SLC8A1: variants seen among roughly 807,000 people sequenced by gnomAD.
The protein encoded by SLC8A1 is solute carrier family 8 member A1, also known as sodium/calcium exchanger 1.
Under a neutral mutation model 68.3 loss-of-function variants are expected in SLC8A1, and 18 were observed. The observed-to-expected ratio is 0.26, with a 90% confidence interval of 0.18 to 0.39. The LOEUF (loss-of-function observed/expected upper bound fraction) is 0.39. Among genes scored for constraint, SLC8A1 ranks in the 10% least tolerant of loss-of-function variants. The probability of loss-of-function intolerance (pLI) is 1.00; values close to 1 mark genes in which losing one functional copy is unlikely to be tolerated. For synonymous variants in SLC8A1, 475 were observed against 415.5 expected (o/e 1.14, Z -1.74); for missense variants, 985 against 1,156.7 (o/e 0.85, Z 2.15).
At chr2:40,462,001 C>CTTTTTTTTTTTTTTTTTTTTTTTGT (rs1703374282) in intron 1 of SLC8A1, among the ~76,000 whole-genome samples, 1 of 66,176 alleles carries the variant, frequency 1.5e-5, no homozygotes, top group African/African-American at 6.1e-5. Flanking sequence ...TAAAATCCTC[C>CTTTTTTTTTTTTTTTTTTTTTTTGT]TTTTTTTTTT....
At chr2:40,202,918 C>G (rs1009048840) in intron 2 of SLC8A1, among the ~76,000 whole-genome samples, 3 of 151,918 alleles carry the variant, frequency 2.0e-5, no homozygotes, top group African/African-American at 7.3e-5. Flanking sequence ...AATAGAATGG[C>G]ACCTACATAA....
rs755112990 is a variant in SLC8A1 at position 40,429,705 on chromosome 2, G to T, written c.576C>A (p.Asp192Glu). ...AATGCTTAATCTTCCTTGTCTCTCCGTCAGGCACCACATAAACACAGAGTG... is the reference window on the plus strand; with the variant it reads ...AATGCTTAATCTTCCTTGTCTCTCCTTCAGGCACCACATAAACACAGAGTG... Residue 192 changes from aspartate (D) to glutamate (E), a missense_variant, in exon 2 of 8, where the codon GAC (aspartate) becomes GAA (glutamate). Coordinates refer to ENST00000406785, the Ensembl canonical transcript of SLC8A1. 2.2e-5 allele frequency: 35 copies of T among 1,613,666 alleles called. No homozygotes were observed. In the Middle Eastern group the frequency reaches 1.2e-3, roughly 53 times the overall value.
At chr2:40,176,805 G>A (rs539299638) in intron 3 of SLC8A1, among the ~76,000 whole-genome samples, 1 of 152,176 alleles carries the variant, frequency 6.6e-6, no homozygotes, top group African/African-American at 2.4e-5. Flanking sequence ...TTGTTTGTAT[G>A]CAACTAATAA....
chr2:40,396,672 A>G (rs942972600), intron 2 of SLC8A1, among the ~76,000 whole-genome samples: 1 of 151,282 alleles, frequency 6.6e-6, no homozygotes, highest in Non-Finnish European at 1.5e-5. Context: ...TTTAAAAAGA[A>G]AAAAAGATTA....
intron 1 of SLC8A1, among the ~76,000 whole-genome samples, chr2:40,499,325 T>G (rs1007800141): frequency 6.6e-6 from 1 of 152,078 alleles, no homozygotes; most frequent in African/African-American, 2.4e-5. Context: ...TTTTTCTGTC[T>G]CATTTTCCTC....
At chr2:40,488,257 A>C (rs1705095141) in intron 1 of SLC8A1, among the ~76,000 whole-genome samples, 1 of 151,892 alleles carries the variant, frequency 6.6e-6, no homozygotes, top group Non-Finnish European at 1.5e-5. Context: ...ACAAAAGTAA[A>C]GGATTTTAAT....
intron 2 of SLC8A1, among the ~76,000 whole-genome samples, chr2:40,272,478 C>T (rs1014398878): frequency 1.3e-5 from 2 of 152,148 alleles, no homozygotes; most frequent in Non-Finnish European, 2.9e-5. Context: ...AGAGTAATAA[C>T]AGAAGCTCCT....
intron 2 of SLC8A1, among the ~76,000 whole-genome samples, chr2:40,274,880 A>G (rs2066502836): frequency 6.6e-6 from 1 of 152,206 alleles, no homozygotes; most frequent in Non-Finnish European, 1.5e-5. Flanking sequence ...TGTGTCGTGT[A>G]TCACTCATGT....
chr2:40,264,347 TG>T (rs1436708994), intron 2 of SLC8A1, among the ~76,000 whole-genome samples: 61 of 152,294 alleles, frequency 4.0e-4, no homozygotes, highest in African/African-American at 1.4e-3. Flanking sequence ...ATCCCGTTAC[TG>T]GGTATATACC....
intron 2 of SLC8A1, among the ~76,000 whole-genome samples, chr2:40,392,423 G>GTCTTTCCT (rs1559501055): frequency 6.6e-6 from 1 of 152,006 alleles, no homozygotes; most frequent in Non-Finnish European, 1.5e-5. Flanking sequence ...GAAAGGAAGA[G>GTCTTTCCT]AAATATCTTG....
intron 1 of SLC8A1, among the ~76,000 whole-genome samples, chr2:40,476,576 A>C (rs1704309093): frequency 6.6e-6 from 1 of 152,256 alleles, no homozygotes; most frequent in Admixed American, 6.5e-5. Flanking sequence ...TAATAAAGTA[A>C]GGGAGAGTCC....
At chr2:40,452,912 G>A (rs1702730055), upstream of SLC8A1, among the ~76,000 whole-genome samples, 1 of 151,982 alleles carries the variant, frequency 6.6e-6, no homozygotes. Context: ...AGTAAAAGCC[G>A]AGCATTAAGG....
chr2:40,452,144 G>A (rs1258705306), upstream of SLC8A1: 1 of 12,342 alleles, frequency 8.1e-5, no homozygotes, highest in African/African-American at 3.7e-4. Context: ...GGGAGGCTGG[G>A]AGGGCCGGGG....
intron 2 of SLC8A1, among the ~76,000 whole-genome samples, chr2:40,340,435 C>A (rs1045112201): frequency 6.6e-6 from 1 of 152,144 alleles, no homozygotes; most frequent in African/African-American, 2.4e-5. Context: ...GTGGCAGGCA[C>A]CTGTAATCCC....
intron 2 of SLC8A1, among the ~76,000 whole-genome samples, chr2:40,327,253 T>A (rs1399101889): frequency 6.6e-6 from 1 of 152,240 alleles, no homozygotes; most frequent in Non-Finnish European, 1.5e-5. Flanking sequence ...GTTGCATGAT[T>A]CCATTGAATG....
chr2:40,276,998 C>A (rs2066785706), intron 2 of SLC8A1, among the ~76,000 whole-genome samples: 1 of 151,958 alleles, frequency 6.6e-6, no homozygotes, highest in Non-Finnish European at 1.5e-5. Flanking sequence ...TATGTATCAG[C>A]CTAAAGATAT....
At chr2:40,364,190 CAT>C (rs1420821636) in intron 2 of SLC8A1, among the ~76,000 whole-genome samples, 1 of 151,956 alleles carries the variant, frequency 6.6e-6, no homozygotes, top group Non-Finnish European at 1.5e-5. Context: ...TAAAACAAAA[CAT>C]ATAAAAACAT....
Position 40,170,363 on chromosome 2 carries a change from AG to A in SLC8A1, c.1930+4461del, listed in dbSNP as rs1240722517. On this transcript the variant is annotated intron_variant, in intron 4 of 7. Transcript: ENST00000406785. ...AGACAGGTTGGCCTAGCAAAAGGACAGGCAGAAAAATCAGCAGAATGGATTG... is the reference window on the plus strand; with the variant it reads ...AGACAGGTTGGCCTAGCAAAAGGACAGCAGAAAAATCAGCAGAATGGATTG... 48 of 1,612,504 alleles carry A rather than the reference AG, an allele frequency of 3.0e-5. No homozygotes were observed. The highest frequency in any genetic ancestry group is 4.5e-5 in the East Asian group (2 of 44,878).
chr2:40,379,152 C>A (rs1680904896), intron 2 of SLC8A1, among the ~76,000 whole-genome samples: 1 of 152,068 alleles, frequency 6.6e-6, no homozygotes, highest in Non-Finnish European at 1.5e-5. Context: ...TGGTTATTTA[C>A]TCCACTTGGA....
Sources: allele counts gnomAD v4.1 joint callset (sites outside exome capture counted in the v4.1 genomes callset), GRCh38; gene constraint gnomAD v4.1.1; transcripts MANE v1.5; gene names NCBI Gene and HGNC (gene_info 2026-07-23, HGNC 2026-07-21).